Variants in MYH11 observed in about 807,000 individuals in gnomAD.
MYH11 encodes the protein myosin-11.
In MYH11, 80 loss-of-function variants were observed where a neutral mutation model predicts 246.6. The ratio of observed to expected loss-of-function variants is 0.32; its 90% CI spans 0.27 to 0.39. MYH11 has a LOEUF of 0.39. Ranked by LOEUF, MYH11 falls within the 10% of genes least tolerant of loss-of-function variation. MYH11 has a pLI of 1.00. For synonymous variants in MYH11, 1,071 were observed against 1,015.5 expected (o/e 1.05, Z -1.04); for missense variants, 2,158 against 2,546.8 (o/e 0.85, Z 3.29).
intron 16 of MYH11, chr16:15,749,731 A>C (rs2041514041): frequency 3.7e-6 from 1 of 268,258 alleles, no homozygotes; most frequent in African/African-American, 2.2e-5. Flanking sequence ...TGGTTGTGAC[A>C]ACCAAAAATG....
chr16:15,704,527 A>G (rs906525711), intron 40 of MYH11, among the ~76,000 whole-genome samples: 1 of 152,236 alleles, frequency 6.6e-6, no homozygotes, highest in South Asian at 2.1e-4. Flanking sequence ...TTCATAGCCC[A>G]TGGGGCAGAG....
chr16:15,747,833 G>A (rs368241416), intron 18 of MYH11, 41 bp downstream of exon 18: 569 of 1,613,138 alleles, frequency 3.5e-4, no homozygotes, highest in Non-Finnish European at 4.6e-4. Flanking sequence ...GGTGGCTTGC[G>A]GCCAGAGGTT....
chr16:15,753,339 G>A (rs1199354345), intron 15 of MYH11, 55 bp downstream of exon 15: 1 of 1,491,318 alleles, frequency 6.7e-7, no homozygotes, highest in Non-Finnish European at 9.3e-7. Flanking sequence ...GGGGACTTGG[G>A]TGTTCAATTC....
At position 15,749,832 on chromosome 16, in the gene MYH11, T is replaced by G. The variant is rs2151263318; in HGVS notation, c.2058+306A>C. Reference sequence around the variant, plus strand: ...GAAACCCACAGGGAAGGGCTACAATTTTTCTAACACTGCTCCCCAGCACCC... The same window carrying G: ...GAAACCCACAGGGAAGGGCTACAATGTTTCTAACACTGCTCCCCAGCACCC... On this transcript the variant is annotated intron_variant, in intron 16 of 40. Transcript: ENST00000300036. 1.0e-5 allele frequency: 5 copies of G among 496,132 alleles called. No individual in the cohort carries two copies. The East Asian group carries it at 1.6e-4, about 16-fold the overall frequency. 30.7% of individuals were successfully genotyped at this position (496,132 alleles called of 1,614,324 possible).
chr16:15,804,046 G>C (rs1002485848), intron 3 of MYH11, among the ~76,000 whole-genome samples: 2 of 152,164 alleles, frequency 1.3e-5, no homozygotes, highest in African/African-American at 4.8e-5. Flanking sequence ...GCCTGAGCTT[G>C]TGTTGGACTC....
chr16:15,704,232 A>T lies in MYH11; in HGVS notation c.5787-109T>A, dbSNP rs558212776. ...TAGCTATAGTCCTATTGCAATATAA[A>T]TTTTTTTTATGGCAGAAAACACACA... On this transcript the variant is annotated intron_variant, in intron 40 of 40. Coordinates refer to ENST00000300036, the MANE Select transcript of MYH11 (RefSeq NM_002474.3). 1.1e-4 allele frequency: 151 copies of T among 1,349,806 alleles called. 1 individual carries two copies. In the East Asian group the frequency reaches 1.3e-3, roughly 11 times the overall value. 83.6% of individuals were successfully genotyped at this position (1,349,806 alleles called of 1,614,324 possible). A position where few individuals can be genotyped will look rare whatever the true frequency, so the allele number is the denominator to read the frequency against.
At chr16:15,725,422 G>T in intron 28 of MYH11, 3 of 494,040 alleles carry the variant, frequency 6.1e-6, no homozygotes, top group Non-Finnish European at 1.1e-5. Flanking sequence ...ACGTCCCAGG[G>T]ATGCTGTCCC....
Position 15,724,963 on chromosome 16 carries a change from A to T in MYH11, c.3888T>A (p.Leu1296=). 6.2e-7 allele frequency: 1 copy of T among 1,614,028 alleles called. No individual in the cohort carries two copies. The highest frequency in any genetic ancestry group is 1.1e-5 in the South Asian group (1 of 91,068). ...TAATGGCCTTCCCCTCGGCCTCGTT[A>T]AGCATCCCTGTGACGCTCTCAACTT... The part of the protein sequence containing the change: ...QNEVESVTGM[L]NEAEGKAIKL... Residue 1296 remains leucine, a synonymous_variant, in exon 29 of 41, where the codon CTT becomes CTA. Transcript: ENST00000300036.
intron 4 of MYH11, among the ~76,000 whole-genome samples, chr16:15,793,605 CT>C (rs1479782638): frequency 2.9e-5 from 4 of 139,760 alleles, no homozygotes; most frequent in African/African-American, 1.1e-4. Context: ...TTTTCAGTTT[CT>C]TTTCTTTTCT....
At chr16:15,838,531 T>G (rs2043967134) in intron 1 of MYH11, among the ~76,000 whole-genome samples, 1 of 152,146 alleles carries the variant, frequency 6.6e-6, no homozygotes, top group Non-Finnish European at 1.5e-5. Flanking sequence ...AGCCATGCTA[T>G]TTCCACACTG....
chr16:15,799,714 A>G (rs891872044), intron 3 of MYH11, among the ~76,000 whole-genome samples: 1 of 152,258 alleles, frequency 6.6e-6, no homozygotes, highest in Non-Finnish European at 1.5e-5. Flanking sequence ...TAGAAATCCC[A>G]GCATCATATC....
intron 29 of MYH11, 40 bp downstream of exon 29, chr16:15,724,848 C>T (rs1250207607): frequency 6.2e-7 from 1 of 1,613,814 alleles, no homozygotes; most frequent in Admixed American, 1.7e-5. Flanking sequence ...CGAGGAAGGC[C>T]ACCCCCCAGG....
chr16:15,849,750 G>T (rs780244203), intron 1 of MYH11, among the ~76,000 whole-genome samples: 1 of 152,082 alleles, frequency 6.6e-6, no homozygotes, highest in African/African-American at 2.4e-5. Context: ...CCGCGCCCAG[G>T]CTGCTTCATT....
chr16:15,786,783 C>T (rs368077702), intron 4 of MYH11, 51 bp from the exon 5 acceptor site: 34 of 1,499,586 alleles, frequency 2.3e-5, no homozygotes, highest in Admixed American at 1.7e-4. Flanking sequence ...GTGACCTTTC[C>T]GCAGTTCCAT....
intron 3 of MYH11, among the ~76,000 whole-genome samples, chr16:15,810,630 G>C (rs2043117956): frequency 6.6e-6 from 1 of 152,156 alleles, no homozygotes; most frequent in Admixed American, 6.5e-5. Context: ...TCCTGGAGAT[G>C]TGTTTGTAGC....
chr16:15,719,756 C>T (rs1239581171), intron 34 of MYH11, 43 bp from the exon 35 acceptor site: 29 of 1,613,030 alleles, frequency 1.8e-5, no homozygotes, highest in Non-Finnish European at 2.4e-5. Flanking sequence ...TGTCCTTACT[C>T]CCCCAAGTTC....
chr16:15,741,979 G>A, intron 20 of MYH11, 88 bp from the exon 21 acceptor site: 3 of 1,559,794 alleles, frequency 1.9e-6, no homozygotes, highest in Non-Finnish European at 2.6e-6. Flanking sequence ...CCGAGCCAGG[G>A]ACAATGTTGC....
chr16:15,779,314 T>C (rs374739607), intron 6 of MYH11: 1 of 86,994 alleles, frequency 1.1e-5, no homozygotes, highest in South Asian at 1.3e-4. Flanking sequence ...AATTTTTAAA[T>C]TTTTTTTTGT....
In MYH11 at chr16:15,708,860, C is replaced by T. The variant is rs769187225; in HGVS notation, c.5787-4737G>A. 8.1e-6 allele frequency: 13 copies of T among 1,608,300 alleles called. No homozygotes were observed. The highest frequency in any genetic ancestry group is 1.0e-5 in the Non-Finnish European group (12 of 1,177,574). ...GGGCCCTCTGAAACAGAGAGAGAATCCCCGGAGGTTACCATCAGCAAACAA... is the reference window on the plus strand; with the variant it reads ...GGGCCCTCTGAAACAGAGAGAGAATTCCCGGAGGTTACCATCAGCAAACAA... On this transcript the variant is annotated intron_variant, in intron 40 of 40. Transcript: ENST00000300036.
Sources: allele counts gnomAD v4.1 joint callset (sites outside exome capture counted in the v4.1 genomes callset), GRCh38; gene constraint gnomAD v4.1.1; transcripts MANE v1.5; gene names NCBI Gene and HGNC (gene_info 2026-07-23, HGNC 2026-07-21).